Variants in ZC3H18 observed in about 807,000 individuals in gnomAD.
ZC3H18 encodes zinc finger CCCH-type containing 18, also known as zinc finger CCCH domain-containing protein 18.
A neutral mutation model predicts 106.1 loss-of-function variants in ZC3H18; 8 were observed. That is an observed-to-expected ratio of 0.08 (90% CI 0.04 to 0.14). ZC3H18 has a LOEUF of 0.14. ZC3H18 is among the 10% of genes least tolerant of loss of function. The probability of loss-of-function intolerance (pLI) is 1.00; values close to 1 mark genes in which losing one functional copy is unlikely to be tolerated. For missense variants in ZC3H18, 1,318 were observed against 1,278.4 expected, an observed-to-expected ratio of 1.03 and a Z score of -0.47; for synonymous variants, 635 against 522.1, an observed-to-expected ratio of 1.22 and a Z score of -2.95.
intron 17 of ZC3H18, 60 bp downstream of exon 17, chr16:88,630,641 C>G (rs1164975213): frequency 6.9e-7 from 1 of 1,438,872 alleles, no homozygotes; most frequent in Admixed American, 2.0e-5. Context: ...AGTCGCTTCC[C>G]CAGGGAGGCC....
intron 2 of ZC3H18, among the ~76,000 whole-genome samples, chr16:88,584,009 CTT>C (rs1277651497): frequency 6.6e-6 from 1 of 152,142 alleles, no homozygotes; most frequent in East Asian, 1.9e-4. Flanking sequence ...CTTGAGTTGT[CTT>C]TGCATGATAT....
At chr16:88,580,031 G>A (rs374703225) in intron 2 of ZC3H18, among the ~76,000 whole-genome samples, 3 of 152,234 alleles carry the variant, frequency 2.0e-5, no homozygotes, top group East Asian at 1.9e-4. Context: ...AGGAGCCCCC[G>A]TGGTCTCCTC....
intron 10 of ZC3H18, 52 bp downstream of exon 10, chr16:88,623,396 C>T (rs1396611208): frequency 7.5e-6 from 12 of 1,596,736 alleles, no homozygotes; most frequent in Non-Finnish European, 9.4e-6. Flanking sequence ...TGAGCAAGGG[C>T]ACCTGCGGAT....
At chr16:88,576,147 G>A (rs1381433314) in intron 1 of ZC3H18, among the ~76,000 whole-genome samples, 3 of 151,990 alleles carry the variant, frequency 2.0e-5, no homozygotes, top group Non-Finnish European at 2.9e-5. Flanking sequence ...TGATCCACCT[G>A]CCTCGGGCCT....
chr16:88,628,679 GA>G, intron 15 of ZC3H18, 78 bp from the exon 16 acceptor site: 1 of 1,499,380 alleles, frequency 6.7e-7, no homozygotes, highest in Non-Finnish European at 9.3e-7. Flanking sequence ...TGCTGGCAAG[GA>G]ACCCATGTCC....
chr16:88,616,129 C>G (rs1184094919), intron 8 of ZC3H18, among the ~76,000 whole-genome samples: 2 of 152,338 alleles, frequency 1.3e-5, no homozygotes, highest in Admixed American at 6.5e-5. Flanking sequence ...CCCCTGAGCC[C>G]TCAGCTTCAC....
In ZC3H18 at chr16:88,575,064, C is replaced by G. The variant is rs568248861; in HGVS notation, c.-14-2046C>G. On this transcript the variant is annotated intron_variant, in intron 1 of 17. Transcript: ENST00000301011. ...CAGGATGGTCTCGATCTCCTGACCT[C>G]GTGATCCACCCGCCTCGGCCTCCCA... Among the ~76,000 whole-genome samples, 298 of 147,752 alleles carry G rather than the reference C, an allele frequency of 2.0e-3. 8 individuals carry two copies. Among genetic ancestry groups the G allele is most frequent in the South Asian group, 0.017 (79 of 4,632 alleles).
chr16:88,607,260 G>A (rs1905057234), intron 6 of ZC3H18, among the ~76,000 whole-genome samples: 1 of 152,208 alleles, frequency 6.6e-6, no homozygotes, highest in African/African-American at 2.4e-5. Context: ...GTGCTGCGAT[G>A]GCACTGGCTT....
At chr16:88,576,365 G>A (rs780159130) in intron 1 of ZC3H18, among the ~76,000 whole-genome samples, 2 of 152,226 alleles carry the variant, frequency 1.3e-5, no homozygotes, top group African/African-American at 4.8e-5. Context: ...ACATACGCGC[G>A]GTACTTAAGT....
At chr16:88,581,216 G>C (rs1915109196) in intron 2 of ZC3H18, among the ~76,000 whole-genome samples, 1 of 152,160 alleles carries the variant, frequency 6.6e-6, no homozygotes, top group African/African-American at 2.4e-5. Flanking sequence ...TGCCCAGGCT[G>C]GTCTTGAACT....
At chr16:88,624,326 G>A in intron 11 of ZC3H18, 2 of 654,246 alleles carry the variant, frequency 3.1e-6, no homozygotes, top group Non-Finnish European at 5.2e-6. Context: ...GTGTTCTTAA[G>A]GGGTCTTCCT....
intron 6 of ZC3H18, among the ~76,000 whole-genome samples, chr16:88,602,039 C>A (rs374270529): frequency 3.3e-5 from 5 of 152,244 alleles, no homozygotes; most frequent in East Asian, 3.8e-4. Flanking sequence ...TACAGCTGGG[C>A]TGCTGAGACC....
intron 2 of ZC3H18, among the ~76,000 whole-genome samples, chr16:88,582,551 G>T (rs1317611520): frequency 6.6e-6 from 1 of 152,200 alleles, no homozygotes; most frequent in East Asian, 1.9e-4. Context: ...CTTCAAGTGG[G>T]GTTCTCTTCC....
At chr16:88,582,890 T>C (rs1248566068) in intron 2 of ZC3H18, among the ~76,000 whole-genome samples, 1 of 152,242 alleles carries the variant, frequency 6.6e-6, no homozygotes, top group African/African-American at 2.4e-5. Flanking sequence ...GATTGCTGTG[T>C]ACCTCGCAGG....
intron 1 of ZC3H18, among the ~76,000 whole-genome samples, chr16:88,574,411 G>A (rs149937519): frequency 1.3e-5 from 2 of 151,790 alleles, no homozygotes; most frequent in African/African-American, 2.4e-5. Context: ...GTTTCACCAT[G>A]TTGGCCAGGC....
At chr16:88,578,195 C>T (rs1201616884) in intron 2 of ZC3H18, among the ~76,000 whole-genome samples, 1 of 152,192 alleles carries the variant, frequency 6.6e-6, no homozygotes, top group Non-Finnish European at 1.5e-5. Context: ...CATTTTTATG[C>T]TGGTCCTAGA....
At chr16:88,598,532 G>C in intron 4 of ZC3H18, 88 bp from the exon 5 acceptor site, 2 of 1,470,048 alleles carry the variant, frequency 1.4e-6, no homozygotes, top group Non-Finnish European at 1.9e-6. Context: ...CGGCCGGCTT[G>C]TGTTGTAGTT....
At chr16:88,614,721 G>A (rs1905473432) in intron 8 of ZC3H18, among the ~76,000 whole-genome samples, 1 of 152,238 alleles carries the variant, frequency 6.6e-6, no homozygotes, top group African/African-American at 2.4e-5. Flanking sequence ...TCCAAACGGG[G>A]AAACCGTCAT....
chr16:88,612,780 T>C (rs1905344681), intron 8 of ZC3H18, among the ~76,000 whole-genome samples: 1 of 152,026 alleles, frequency 6.6e-6, no homozygotes, highest in Non-Finnish European at 1.5e-5. Flanking sequence ...GATGGACAGA[T>C]TGCTTGAGCT....
Sources: gnomAD v4.1 joint callset for allele counts (sites outside exome capture counted in the v4.1 genomes callset) on GRCh38, gnomAD v4.1.1 for gene constraint, MANE v1.5 for transcripts, NCBI Gene and HGNC (gene_info 2026-07-23, HGNC 2026-07-21) for gene names.